Variants in POLR2F observed in about 807,000 individuals in gnomAD.
POLR2F encodes RNA polymerase II, I and III subunit F.
In POLR2F, 12 loss-of-function variants were observed where a neutral mutation model predicts 22.7. That is an observed-to-expected ratio of 0.53 (90% CI 0.34 to 0.86). The LOEUF is 0.86. POLR2F is among the 40% of genes least tolerant of loss of function. The pLI is 0.02. For missense variants in POLR2F, 126 were observed against 171.5 expected, an observed-to-expected ratio of 0.73 and a Z score of 1.48; for synonymous variants, 57 against 66.0, an observed-to-expected ratio of 0.86 and a Z score of 0.66.
At chr22:37,958,221 C>T (rs1931479710) in intron 2 of POLR2F, among the ~76,000 whole-genome samples, 1 of 145,998 alleles carries the variant, frequency 6.8e-6, no homozygotes, top group East Asian at 2.0e-4. Context: ...CGGGGTCTTG[C>T]TCTGTCGCCC....
At chr22:37,990,521 C>T (rs1932703542) in intron 1 of POLR2F, among the ~76,000 whole-genome samples, 1 of 152,280 alleles carries the variant, frequency 6.6e-6, no homozygotes, top group Non-Finnish European at 1.5e-5. Flanking sequence ...CTGGGAACTT[C>T]TGTGAATGTG....
intron 1 of POLR2F, among the ~76,000 whole-genome samples, chr22:37,994,091 C>A (rs1359005540): frequency 6.6e-6 from 1 of 152,198 alleles, no homozygotes; most frequent in African/African-American, 2.4e-5. Flanking sequence ...TAATGCCCCG[C>A]ATTTTCCAGG....
intron 1 of POLR2F, among the ~76,000 whole-genome samples, chr22:37,988,526 C>G (rs920002312): frequency 6.6e-6 from 1 of 151,784 alleles, no homozygotes; most frequent in East Asian, 1.9e-4. Flanking sequence ...TGGCACGCAC[C>G]TGTAATCCCA....
In POLR2F at chr22:37,969,289, T is replaced by G. The variant is rs1931975753; in HGVS notation, c.*1574T>G. The G allele has an allele frequency of 1.0e-6, 1 of 985,328 alleles. No individual in the cohort carries two copies. Among genetic ancestry groups the G allele is most frequent in the South Asian group, 4.7e-5 (1 of 21,296 alleles). 61.0% of individuals were successfully genotyped at this position (985,328 alleles called of 1,614,324 possible). A position where few individuals can be genotyped will look rare whatever the true frequency, so the allele number is the denominator to read the frequency against. On this transcript the variant is annotated 3_prime_UTR_variant, in exon 5 of 5. Transcript: ENST00000442738. ...GTCTGGGCCTGGCTTTTGACTTCTC[T>G]TGAATAAAATGTCCCGGTCACCACT...
At chr22:37,999,966 C>T (rs182800574) in intron 1 of POLR2F, among the ~76,000 whole-genome samples, 1 of 152,348 alleles carries the variant, frequency 6.6e-6, no homozygotes, top group Admixed American at 6.5e-5. Flanking sequence ...GGATCTGCAC[C>T]TGGCAGCCTG....
At chr22:38,019,208 G>A (rs985842594) in intron 1 of POLR2F, among the ~76,000 whole-genome samples, 2 of 152,082 alleles carry the variant, frequency 1.3e-5, no homozygotes, top group Non-Finnish European at 2.9e-5. Flanking sequence ...CAGTGTGGCT[G>A]TGGGCGGGGT....
At chr22:38,025,516 A>G (rs2084999921) in intron 1 of POLR2F, 3 of 1,424,692 alleles carry the variant, frequency 2.1e-6, no homozygotes, top group Non-Finnish European at 2.8e-6. Context: ...AACATTCACA[A>G]ATTCCCTGAT....
At chr22:37,989,197 C>T (rs1306407416) in intron 1 of POLR2F, among the ~76,000 whole-genome samples, 2 of 152,148 alleles carry the variant, frequency 1.3e-5, no homozygotes, top group African/African-American at 2.4e-5. Context: ...TCTCAGGACT[C>T]GGCTTTTGCA....
At chr22:37,973,976 G>A (rs2145761557), downstream of POLR2F, 1 of 1,612,418 alleles carries the variant, frequency 6.2e-7, no homozygotes, top group Non-Finnish European at 8.5e-7. Context: ...CACATGGCCT[G>A]GGTGCCCATT....
downstream of POLR2F, chr22:37,973,764 T>C (rs751444603): frequency 6.3e-7 from 1 of 1,596,684 alleles, no homozygotes; most frequent in South Asian, 1.1e-5. Context: ...GTGTAGGCGA[T>C]CTGTGAGGTG....
chr22:38,006,778 A>C (rs913814052), intron 1 of POLR2F, among the ~76,000 whole-genome samples: 1 of 152,172 alleles, frequency 6.6e-6, no homozygotes, highest in Non-Finnish European at 1.5e-5. Flanking sequence ...ACCTCTGTTT[A>C]TGCCATTGTC....
chr22:37,965,236 A>G (rs1291546279), intron 3 of POLR2F, among the ~76,000 whole-genome samples: 2 of 151,992 alleles, frequency 1.3e-5, no homozygotes, highest in African/African-American at 4.8e-5. Flanking sequence ...CAAACTCCTG[A>G]CCTCAGGTGA....
At chr22:37,966,992 A>T in intron 3 of POLR2F, 107 bp from the exon 4 acceptor site, 1 of 747,484 alleles carries the variant, frequency 1.3e-6, no homozygotes, top group Non-Finnish European at 2.2e-6. Flanking sequence ...CCTACCTAGA[A>T]GATGACGTTT....
chr22:38,013,865 G>A (rs1164773652), intron 1 of POLR2F, among the ~76,000 whole-genome samples: 2 of 152,234 alleles, frequency 1.3e-5, no homozygotes, highest in Non-Finnish European at 2.9e-5. Flanking sequence ...GCTTACGCCT[G>A]TAATCCCAGC....
Position 37,959,487 on chromosome 22 carries a change from G to A in POLR2F, c.221+11G>A. 6.2e-7 allele frequency: 1 copy of A among 1,612,866 alleles called. No homozygotes were observed. The highest frequency in any genetic ancestry group is 8.5e-7 in the Non-Finnish European group (1 of 1,179,696). On this transcript the variant is annotated intron_variant, in intron 3 of 4. Coordinates refer to ENST00000442738, the MANE Select transcript of POLR2F (RefSeq NM_021974.5). ...AGCGCTCCAGATTGCGTGAGTGATT[G>A]CCCCTTCACTGTCTTCTCCATCTGT...
rs1313258796 is a variant in POLR2F, at chr22:37,967,117, G to A, written c.240G>A (p.Met80Ile). 6.2e-7 allele frequency: 1 copy of A among 1,613,182 alleles called. No homozygotes were observed. Among genetic ancestry groups the A allele is most frequent in the African/African-American group, 1.3e-5 (1 of 74,910 alleles). ...CCTACAGGATGTGTGCCCCTGTGATGGTGGAGCTGGAGGGGGAGACAGATC... is the reference window on the plus strand; with the variant it reads ...CCTACAGGATGTGTGCCCCTGTGATAGTGGAGCTGGAGGGGGAGACAGATC... The part of the protein sequence containing the change: ...ALQIAMCAPV[M>I]VELEGETDPL... Residue 80 changes from methionine (M) to isoleucine (I), a missense_variant, in exon 4 of 5, where the codon ATG becomes ATA. By Grantham distance (10) the Met-to-Ile change is conservative. Coordinates refer to ENST00000442738, the MANE Select transcript of POLR2F (RefSeq NM_021974.5).
intron 3 of POLR2F, among the ~76,000 whole-genome samples, chr22:37,964,572 C>CTTTTTTTTT (rs11428366): frequency 1.5e-5 from 2 of 131,286 alleles, no homozygotes; most frequent in African/African-American, 2.8e-5. Context: ...TTCTTTCTTT[C>CTTTTTTTTT]TTTTTTTTTT....
rs183505661 is a variant in POLR2F at position 37,996,325 on chromosome 22, C to T, written c.120+10013C>T. Among the ~76,000 whole-genome samples the T allele has an allele frequency of 6.5e-3, 992 of 152,312 alleles. 9 individuals carry two copies. Among genetic ancestry groups the T allele is most frequent in the African/African-American group, 0.023 (956 of 41,570 alleles). On this transcript the variant is annotated intron_variant, in intron 1 of 2. Coordinates refer to the POLR2F transcript ENST00000333418. ...CAGGGAAAGAGGGGGGAACAGGAAG[C>T]ACCCGGGTCTTCCCCTCCTCCCTTT...
At chr22:38,008,418 G>A (rs1601904408) in intron 1 of POLR2F, among the ~76,000 whole-genome samples, 1 of 151,812 alleles carries the variant, frequency 6.6e-6, no homozygotes, top group Admixed American at 6.6e-5. Context: ...GGTGGTGCAC[G>A]CCTATAATCC....
Sources: gnomAD v4.1 joint callset for allele counts (sites outside exome capture counted in the v4.1 genomes callset) on GRCh38, gnomAD v4.1.1 for gene constraint, MANE v1.5 for transcripts, NCBI Gene and HGNC (gene_info 2026-07-23, HGNC 2026-07-21) for gene names.